DOK5: variants seen among roughly 807,000 people sequenced by gnomAD.
The protein encoded by DOK5 is downstream of tyrosine kinase 5.
Under a neutral mutation model 43.3 loss-of-function variants are expected in DOK5, and 27 were observed. The observed-to-expected ratio is 0.62, with a 90% confidence interval of 0.46 to 0.86. The LOEUF (loss-of-function observed/expected upper bound fraction) is 0.86. Ranked by LOEUF, DOK5 falls within the 40% of genes least tolerant of loss-of-function variation. The pLI is 0.00. For synonymous variants in DOK5, 146 were observed against 140.1 expected, an observed-to-expected ratio of 1.04 and a Z score of -0.30; for missense variants, 373 against 392.9, an observed-to-expected ratio of 0.95 and a Z score of 0.43.
At chr20:54,536,712 C>G (rs1983973744) in intron 1 of DOK5, among the ~76,000 whole-genome samples, 1 of 152,218 alleles carries the variant, frequency 6.6e-6, no homozygotes, top group Admixed American at 6.5e-5. Flanking sequence ...AAGAGCTGCT[C>G]TATACCATTC....
chr20:54,650,745 T>C lies in DOK5; in HGVS notation c.*266T>C. The C allele has an allele frequency of 3.0e-6, 1 of 335,726 alleles. No homozygotes were observed. The highest frequency in any genetic ancestry group is 5.4e-6 in the Non-Finnish European group (1 of 185,854). The allele number at this position is 335,726 out of a possible 1,614,324, so 20.8% of individuals were successfully genotyped here. A position where few individuals can be genotyped will look rare whatever the true frequency, so the allele number is the denominator to read the frequency against. Reference sequence around the variant, plus strand: ...ACAGCTGGACAGAAAGAAGTCAATGTCACGAAATGATTTTCTATTGTAGAT... The same window carrying C: ...ACAGCTGGACAGAAAGAAGTCAATGCCACGAAATGATTTTCTATTGTAGAT... On this transcript the variant is annotated 3_prime_UTR_variant, in exon 8 of 8. Transcript: ENST00000262593.
intron 6 of DOK5, among the ~76,000 whole-genome samples, chr20:54,616,533 G>A (rs888603768): frequency 6.6e-6 from 1 of 152,208 alleles, no homozygotes; most frequent in Non-Finnish European, 1.5e-5. Context: ...TACTGATGCT[G>A]TGGCTAACTG....
chr20:54,624,179 G>A (rs1568817063), intron 6 of DOK5, among the ~76,000 whole-genome samples: 2 of 152,166 alleles, frequency 1.3e-5, no homozygotes, highest in Non-Finnish European at 2.9e-5. Flanking sequence ...AGTGCAACAA[G>A]AAAACAATAT....
At chr20:54,540,382 TG>T (rs1188288034) in intron 1 of DOK5, among the ~76,000 whole-genome samples, 1 of 152,202 alleles carries the variant, frequency 6.6e-6, no homozygotes, top group Admixed American at 6.5e-5. Context: ...AGTAGATATC[TG>T]CAGAATAAAT....
At chr20:54,629,821 A>G (rs1978479354) in intron 6 of DOK5, among the ~76,000 whole-genome samples, 1 of 152,238 alleles carries the variant, frequency 6.6e-6, no homozygotes, top group South Asian at 2.1e-4. Context: ...GCCATTCCTA[A>G]GGGCCAGGTG....
intron 6 of DOK5, among the ~76,000 whole-genome samples, chr20:54,643,230 C>G (rs1462987378): frequency 6.6e-6 from 1 of 152,108 alleles, no homozygotes; most frequent in African/African-American, 2.4e-5. Context: ...GGGAAGTTCC[C>G]CAAAGGAACG....
chr20:54,517,382 T>A (rs1474548959), intron 1 of DOK5, among the ~76,000 whole-genome samples: 2 of 152,186 alleles, frequency 1.3e-5, no homozygotes, highest in Admixed American at 1.3e-4. Flanking sequence ...CAACATGGGA[T>A]AAAATTGTAG....
At chr20:54,533,181 GT>G (rs1983839083) in intron 1 of DOK5, among the ~76,000 whole-genome samples, 1 of 152,096 alleles carries the variant, frequency 6.6e-6, no homozygotes, top group Non-Finnish European at 1.5e-5. Context: ...GGGCTGTTTT[GT>G]GCGTTGTAGG....
chr20:54,542,349 C>G (rs980755768), intron 1 of DOK5, among the ~76,000 whole-genome samples: 3 of 152,188 alleles, frequency 2.0e-5, no homozygotes, highest in Non-Finnish European at 4.4e-5. Context: ...TTTAGATTTT[C>G]TGGCATTTCT....
chr20:54,518,109 A>G (rs1025237964), intron 1 of DOK5, among the ~76,000 whole-genome samples: 1 of 152,122 alleles, frequency 6.6e-6, no homozygotes, highest in Non-Finnish European at 1.5e-5. Flanking sequence ...AGCTACTATC[A>G]TAATCCCTAT....
chr20:54,501,081 GA>G (rs1982579169), intron 1 of DOK5, among the ~76,000 whole-genome samples: 1 of 152,128 alleles, frequency 6.6e-6, no homozygotes, highest in African/African-American at 2.4e-5. Context: ...TGAAGTTAGA[GA>G]GTTTGAATAT....
In DOK5 at chr20:54,583,595, A is replaced by G. The variant is rs564247698; in HGVS notation, c.175-4888A>G. Among the ~76,000 whole-genome samples, 135 of 152,202 alleles carry G rather than the reference A, an allele frequency of 8.9e-4. 4 individuals carry two copies. In the South Asian group the frequency reaches 0.018, roughly 20 times the overall value. On this transcript the variant is annotated intron_variant, in intron 2 of 7. Transcript: ENST00000262593. ...GGGATACATATATATTATAATTGCT[A>G]TATCTTACTAGTTAATTCATCTTTT...
intron 1 of DOK5, among the ~76,000 whole-genome samples, chr20:54,546,647 TGAGAA>T (rs1336742853): frequency 6.6e-6 from 1 of 151,838 alleles, no homozygotes. Context: ...GAGAATGCTC[TGAGAA>T]GAGAAAGTCA....
intron 1 of DOK5, 119 bp downstream of exon 1, chr20:54,476,131 C>T (rs1172685474): frequency 7.8e-6 from 12 of 1,546,402 alleles, no homozygotes; most frequent in African/African-American, 1.4e-5. Context: ...TGCGCGGTGG[C>T]TTTCTCAGCC....
At chr20:54,543,985 C>T (rs978716258) in intron 1 of DOK5, among the ~76,000 whole-genome samples, 5 of 152,152 alleles carry the variant, frequency 3.3e-5, no homozygotes, top group African/African-American at 1.2e-4. Context: ...ATTTCTGGGT[C>T]AAAGTGTAGA....
At chr20:54,584,812 T>C (rs1358021664) in intron 2 of DOK5, among the ~76,000 whole-genome samples, 1 of 150,390 alleles carries the variant, frequency 6.6e-6, no homozygotes, top group Non-Finnish European at 1.5e-5. Flanking sequence ...TTCCAGTAAA[T>C]TATATATTTT....
At chr20:54,567,973 A>G (rs1225581332) in intron 2 of DOK5, among the ~76,000 whole-genome samples, 1 of 152,204 alleles carries the variant, frequency 6.6e-6, no homozygotes, top group Non-Finnish European at 1.5e-5. Flanking sequence ...TCTAATTTGT[A>G]TAAGCCAGTC....
chr20:54,609,989 G>A (rs527926975), intron 5 of DOK5, among the ~76,000 whole-genome samples: 3 of 152,026 alleles, frequency 2.0e-5, no homozygotes, highest in South Asian at 2.1e-4. Context: ...GTCTCTCTGC[G>A]CTGGCAGTTT....
chr20:54,501,436 T>C (rs1189539913), intron 1 of DOK5, among the ~76,000 whole-genome samples: 4 of 122,476 alleles, frequency 3.3e-5, no homozygotes, highest in Admixed American at 2.3e-4. Flanking sequence ...CACTGCACTC[T>C]AGCCTGGGTG....
Sources: allele counts gnomAD v4.1 joint callset (sites outside exome capture counted in the v4.1 genomes callset), GRCh38; gene constraint gnomAD v4.1.1; transcripts MANE v1.5; gene names NCBI Gene and HGNC (gene_info 2026-07-23, HGNC 2026-07-21).